The following PPM1M variants were observed in gnomAD, a reference collection of about 807,000 sequenced individuals.
The protein encoded by PPM1M is protein phosphatase 1M.
Under a neutral mutation model 50.8 loss-of-function variants are expected in PPM1M, and 44 were observed. That is an observed-to-expected ratio of 0.87 (90% CI 0.68 to 1.11). PPM1M has a LOEUF of 1.11. PPM1M is among the 50% of genes most tolerant of loss of function. PPM1M has a pLI of 0.00. For synonymous variants in PPM1M, 224 were observed against 242.9 expected, an observed-to-expected ratio of 0.92 and a Z score of 0.72; for missense variants, 556 against 593.4, an observed-to-expected ratio of 0.94 and a Z score of 0.66.
At chr3:52,247,620 G>T in intron 3 of PPM1M, 62 bp from the exon 4 acceptor site, 1 of 1,120,856 alleles carries the variant, frequency 8.9e-7, no homozygotes, top group South Asian at 1.3e-5. Flanking sequence ...GGTGGGGATT[G>T]AGAGACAAAG....
In PPM1M at chr3:52,246,010, A is replaced by C. The variant is rs1226646766; in HGVS notation, c.186A>C (p.Ala62=). ...RPDSRPVRSP[A]RGRTLPWNAG... is the part of the protein sequence containing the mutation. ...ACTCCCGGCCCGTGCGCAGCCCCGCACGAGGACGCACGCTACCCTGGAATG... is the reference window on the plus strand; with the variant it reads ...ACTCCCGGCCCGTGCGCAGCCCCGCCCGAGGACGCACGCTACCCTGGAATG... The change falls in exon 1 of 10, where the codon GCA becomes GCC. Residue 62 remains alanine (A), a synonymous_variant. Coordinates refer to ENST00000323588, the MANE Select transcript of PPM1M (RefSeq NM_144641.4). The C allele has an allele frequency of 2.4e-6, 3 of 1,227,626 alleles. No homozygotes were observed. Among genetic ancestry groups the C allele is most frequent in the South Asian group, 1.4e-5 (1 of 73,198 alleles). 76.0% of individuals were successfully genotyped at this position (1,227,626 alleles called of 1,614,324 possible). A position where few individuals can be genotyped will look rare whatever the true frequency, so the allele number is the denominator to read the frequency against.
intron 1 of PPM1M, chr3:52,246,378 C>T: frequency 9.5e-7 from 1 of 1,054,392 alleles, no homozygotes; most frequent in Non-Finnish European, 1.2e-6. Flanking sequence ...CCATCTCACC[C>T]TGGGTATGAC....
chr3:52,249,547 G>C, intron 9 of PPM1M, 123 bp from the exon 10 acceptor site: 1 of 1,433,144 alleles, frequency 7.0e-7, no homozygotes, highest in South Asian at 1.3e-5. Flanking sequence ...CTGCTTGCTT[G>C]GTCCACAGTC....
In PPM1M at chr3:52,249,853, G is replaced by C; in HGVS notation, c.*39G>C. On this transcript the variant is annotated 3_prime_UTR_variant, in exon 10 of 10. Coordinates refer to ENST00000323588, the MANE Select transcript of PPM1M (RefSeq NM_144641.4). ...GTATCCCAGAACTGCTCTAGTGCCC[G>C]GGTGTGGTCTGGGCATCCCTCCAGT... 6.3e-7 allele frequency: 1 copy of C among 1,583,040 alleles called. No homozygotes were observed. The highest frequency in any genetic ancestry group is 8.6e-7 in the Non-Finnish European group (1 of 1,160,212).
Position 52,249,988 on chromosome 3 carries a change from G to C in PPM1M, c.*174G>C. The C allele has an allele frequency of 1.6e-6, 1 of 628,726 alleles. No individual in the cohort carries two copies. Among genetic ancestry groups the C allele is most frequent in the Non-Finnish European group, 2.8e-6 (1 of 362,490 alleles). The allele number at this position is 628,726 out of a possible 1,614,324, so 38.9% of individuals were successfully genotyped here. Reference sequence around the variant, plus strand: ...GAGGAACATTTATACCAGGCAGTCAGAGCTGGAAGTGTATGGAGAGCCCAG... The same window carrying C: ...GAGGAACATTTATACCAGGCAGTCACAGCTGGAAGTGTATGGAGAGCCCAG... On this transcript the variant is annotated 3_prime_UTR_variant, in exon 10 of 10. Transcript: ENST00000323588.
chr3:52,248,404 G>A lies in PPM1M; in HGVS notation c.865G>A (p.Asp289Asn). 1 of 1,613,864 alleles carries A rather than the reference G, an allele frequency of 6.2e-7. No homozygotes were observed. Among genetic ancestry groups the A allele is most frequent in the Non-Finnish European group, 8.5e-7 (1 of 1,179,838 alleles). Reference protein sequence around the residue: ...RLEFPRRLKGDDLGQKVLFRD... With the variant: ...RLEFPRRLKGNDLGQKVLFRD... Reference sequence around the variant, plus strand: ...GGAGTTCCCTCGGCGGCTGAAGGGGGATGACTTGGGACAGAAGGTTTTGTT... The same window carrying A: ...GGAGTTCCCTCGGCGGCTGAAGGGGAATGACTTGGGACAGAAGGTTTTGTT... Residue 289 changes from aspartate to asparagine, a missense_variant, in exon 6 of 10, where the codon GAT becomes AAT. Asp to Asn is a conservative substitution (Grantham distance 23, BLOSUM62 1). Coordinates refer to ENST00000323588, the MANE Select transcript of PPM1M (RefSeq NM_144641.4).
intron 3 of PPM1M, 83 bp downstream of exon 3, chr3:52,247,311 G>T: frequency 1.3e-6 from 2 of 1,499,260 alleles, no homozygotes; most frequent in South Asian, 2.6e-5. Flanking sequence ...TATACCCATG[G>T]TCATCACACC....
In PPM1M at chr3:52,249,951, C is replaced by T; in HGVS notation, c.*137C>T. 1.4e-6 allele frequency: 1 copy of T among 730,212 alleles called. No individual in the cohort carries two copies. 45.2% of individuals were successfully genotyped at this position (730,212 alleles called of 1,614,324 possible). A position where few individuals can be genotyped will look rare whatever the true frequency, so the allele number is the denominator to read the frequency against. On this transcript the variant is annotated 3_prime_UTR_variant, in exon 10 of 10. Transcript: ENST00000323588. ...TGCTCTCACTATCCACCTCAACACACATCCATCTCAAGAGGAACATTTATA... is the reference window on the plus strand; with the variant it reads ...TGCTCTCACTATCCACCTCAACACATATCCATCTCAAGAGGAACATTTATA...
Position 52,245,956 on chromosome 3 carries a change from C to A in PPM1M, c.132C>A (p.Pro44=), listed in dbSNP as rs1274561952. The A allele has an allele frequency of 7.2e-6, 9 of 1,249,146 alleles. No homozygotes were observed. The highest frequency in any genetic ancestry group is 1.6e-5 in the African/African-American group (1 of 61,768). 77.4% of individuals were successfully genotyped at this position (1,249,146 alleles called of 1,614,324 possible). ...PRFLRGSSSS[P]GAADASRRPD... is the part of the protein sequence containing the mutation. Reference sequence around the variant, plus strand: ...TCCTTCGCGGCTCCAGCTCCAGCCCCGGGGCGGCCGACGCCTCGCGCCGCC... The same window carrying A: ...TCCTTCGCGGCTCCAGCTCCAGCCCAGGGGCGGCCGACGCCTCGCGCCGCC... The change falls in exon 1 of 10, where the codon CCC becomes CCA. Residue 44 remains proline (P), a synonymous_variant. Coordinates refer to ENST00000323588, the MANE Select transcript of PPM1M (RefSeq NM_144641.4). This position sits in a 1 kb window ranked among gnomAD's most constrained non-coding sequence, Gnocchi z 4.8.
At position 52,249,186 on chromosome 3, in the gene PPM1M, G is replaced by A; in HGVS notation, c.1099G>A (p.Asp367Asn). Residue 367 changes from aspartate (D) to asparagine (N), a missense_variant, in exon 9 of 10, where the codon GAT becomes AAT. Coordinates refer to ENST00000323588, the MANE Select transcript of PPM1M (RefSeq NM_144641.4). The part of the protein sequence containing the change: ...LLSVPQVTVL[D>N]VDQLELQEDD... ...GCTTAATTTGTAGGTGACTGTGCTG[G>A]ATGTGGACCAGCTGGAGCTACAGGA... The A allele has an allele frequency of 6.2e-7, 1 of 1,613,908 alleles. No individual in the cohort carries two copies. Among genetic ancestry groups the A allele is most frequent in the Non-Finnish European group, 8.5e-7 (1 of 1,179,822 alleles).
chr3:52,246,258 A>G lies in PPM1M; in HGVS notation c.224+210A>G, dbSNP rs969423696. On this transcript the variant is annotated intron_variant, in intron 1 of 9. Coordinates refer to ENST00000323588, the MANE Select transcript of PPM1M (RefSeq NM_144641.4). ...TTCCGACCTCCCCCTCAGAGAAGAC[A>G]GGAGGTCGGGAAGGACCTGCAGCCC... 220 of 1,023,176 alleles carry G rather than the reference A, an allele frequency of 2.2e-4. 1 individual carries two copies. Among genetic ancestry groups the G allele is most frequent in the Non-Finnish European group, 2.5e-4 (211 of 851,386 alleles). The allele number at this position is 1,023,176 out of a possible 1,614,324, so 63.4% of individuals were successfully genotyped here.
intron 2 of PPM1M, 54 bp downstream of exon 2, chr3:52,246,866 A>T: frequency 6.7e-7 from 1 of 1,490,936 alleles, no homozygotes; most frequent in Non-Finnish European, 9.0e-7. Flanking sequence ...TGGGGCCACG[A>T]CCTGCAGGCT....
chr3:52,248,931 C>G (rs1386367921), intron 7 of PPM1M, 25 bp from the exon 8 acceptor site: 1 of 1,557,282 alleles, frequency 6.4e-7, no homozygotes, highest in South Asian at 1.1e-5. Context: ...TGTTTGCCAT[C>G]GCCTCACACC....
Position 52,249,953 on chromosome 3 carries a change from T to C in PPM1M, c.*139T>C, listed in dbSNP as rs1213258944. 2.8e-6 allele frequency: 2 copies of C among 725,872 alleles called. No individual in the cohort carries two copies. Among genetic ancestry groups the C allele is most frequent in the Non-Finnish European group, 2.3e-6 (1 of 439,072 alleles). The allele number at this position is 725,872 out of a possible 1,614,324, so 45.0% of individuals were successfully genotyped here. ...CTCTCACTATCCACCTCAACACACA[T>C]CCATCTCAAGAGGAACATTTATACC... is the stretch of plus-strand genomic sequence containing the variant. On this transcript the variant is annotated 3_prime_UTR_variant, in exon 10 of 10. Transcript: ENST00000323588.
chr3:52,245,842 C>A lies in PPM1M; in HGVS notation c.18C>A (p.Phe6Leu). The change falls in exon 1 of 10, where the codon TTC becomes TTA. Residue 6 changes from phenylalanine (F) to leucine (L), a missense_variant. Physicochemically the swap from Phe to Leu is conservative, Grantham distance 22. Transcript: ENST00000323588. This position sits in a 1 kb window ranked among gnomAD's most constrained non-coding sequence, Gnocchi z 4.8. MSAGW[F>L]RRRFLPGEPL... Reference sequence around the variant, plus strand: ...GCCGCGCCATGTCCGCCGGCTGGTTCCGGCGCCGCTTCCTGCCTGGGGAGC... The same window carrying A: ...GCCGCGCCATGTCCGCCGGCTGGTTACGGCGCCGCTTCCTGCCTGGGGAGC... 1 of 1,071,488 alleles carries A rather than the reference C, an allele frequency of 9.3e-7. No homozygotes were observed. Among genetic ancestry groups the A allele is most frequent in the Non-Finnish European group, 1.1e-6 (1 of 877,888 alleles). The allele number at this position is 1,071,488 out of a possible 1,614,324, so 66.4% of individuals were successfully genotyped here.
In PPM1M at chr3:52,245,815, C is replaced by A; in HGVS notation, c.-10C>A. On this transcript the variant is annotated 5_prime_UTR_variant, in exon 1 of 10. Transcript: ENST00000323588. This position sits in a 1 kb window ranked among gnomAD's most constrained non-coding sequence, Gnocchi z 4.8. ...CCCGCGCTCCGCGGGCAGCCCCCTG[C>A]CGCCGCGCCATGTCCGCCGGCTGGT... The A allele has an allele frequency of 9.8e-7, 1 of 1,023,134 alleles. No homozygotes were observed. Among genetic ancestry groups the A allele is most frequent in the Non-Finnish European group, 1.2e-6 (1 of 855,768 alleles). The allele number at this position is 1,023,134 out of a possible 1,614,324, so 63.4% of individuals were successfully genotyped here.
At chr3:52,246,123 C>A (rs1273439240) in intron 1 of PPM1M, 75 bp downstream of exon 1, 5 of 1,036,718 alleles carry the variant, frequency 4.8e-6, no homozygotes, top group Non-Finnish European at 4.7e-6. Flanking sequence ...GCCTAGAAAG[C>A]GGGAGGAGCT....
chr3:52,248,551 G>GT (rs778237053), intron 6 of PPM1M, 86 bp from the exon 7 acceptor site: 1 of 1,588,146 alleles, frequency 6.3e-7, no homozygotes, highest in South Asian at 1.1e-5. Context: ...GGGTGGCACT[G>GT]TGAGGGTGTG....
intron 4 of PPM1M, 34 bp downstream of exon 4, chr3:52,247,828 G>GT: frequency 1.9e-6 from 1 of 525,130 alleles, no homozygotes; most frequent in East Asian, 5.2e-5. Flanking sequence ...GCAAGGGTGG[G>GT]ATGGGGAGGG....
Sources: gnomAD v4.1 joint callset for allele counts on GRCh38, gnomAD v4.1.1 for gene constraint, Gnocchi (gnomAD v3.1) non-coding constraint, MANE v1.5 for transcripts, NCBI Gene and HGNC (gene_info 2026-07-23, HGNC 2026-07-21) for gene names.